UVRAG: variants seen among roughly 807,000 people sequenced by gnomAD.
The protein encoded by UVRAG is UV radiation resistance associated.
In UVRAG, 19 loss-of-function variants were observed where a neutral mutation model predicts 78.0. The ratio of observed to expected loss-of-function variants is 0.24; its 90% CI spans 0.17 to 0.36. The LOEUF (loss-of-function observed/expected upper bound fraction) is 0.36, where lower values mean the gene tolerates loss of function less well. Ranked by LOEUF, UVRAG falls within the 10% of genes least tolerant of loss-of-function variation. The probability of loss-of-function intolerance (pLI) is 1.00; values close to 1 mark genes in which losing one functional copy is unlikely to be tolerated. For synonymous variants in UVRAG, 323 were observed against 324.6 expected (o/e 1.00, Z 0.05); for missense variants, 740 against 853.8 (o/e 0.87, Z 1.66).
intron 3 of UVRAG, among the ~76,000 whole-genome samples, chr11:75,879,155 G>T (rs1304438069): frequency 6.6e-6 from 1 of 152,142 alleles, no homozygotes; most frequent in Non-Finnish European, 1.5e-5. Flanking sequence ...TGGCCCCACT[G>T]TTGTACAGAG....
intron 6 of UVRAG, among the ~76,000 whole-genome samples, chr11:75,928,288 G>A (rs969345822): frequency 2.0e-5 from 3 of 152,196 alleles, no homozygotes; most frequent in Admixed American, 1.3e-4. Flanking sequence ...TGTCACTGCT[G>A]CAGGAAGAAT....
intron 14 of UVRAG, chr11:76,137,177 T>C: frequency 2.7e-6 from 1 of 364,754 alleles, no homozygotes. Context: ...TACTCATACT[T>C]TGCACACAAT....
chr11:75,974,388 C>T (rs1372272879), intron 7 of UVRAG, among the ~76,000 whole-genome samples: 8 of 111,238 alleles, frequency 7.2e-5, no homozygotes, highest in Admixed American at 1.3e-4. Flanking sequence ...GAGACGGAGT[C>T]TCGCTCTGTC....
chr11:75,978,774 A>C lies in UVRAG; in HGVS notation c.700-4613A>C, dbSNP rs78260945. Among the ~76,000 whole-genome samples the C allele has an allele frequency of 0.015, 2,324 of 152,172 alleles. 163 individuals carry two copies. The East Asian group carries it at 0.22, about 14-fold the overall frequency. ...TATTCTAGTTAGCCATTCATCCAAT[A>C]TTTTTCAAAGTTTTTAGCTTCTTTG... On this transcript the variant is annotated intron_variant, in intron 7 of 14. Transcript: ENST00000356136.
intron 13 of UVRAG, among the ~76,000 whole-genome samples, chr11:76,091,237 C>G (rs1467448434): frequency 6.6e-6 from 1 of 152,032 alleles, no homozygotes; most frequent in Non-Finnish European, 1.5e-5. Context: ...ATATTTGATT[C>G]CCCCTTTTTG....
chr11:75,842,130 A>AG (rs1262559540), intron 1 of UVRAG, among the ~76,000 whole-genome samples: 1 of 152,220 alleles, frequency 6.6e-6, no homozygotes, highest in African/African-American at 2.4e-5. Context: ...CAAAAGGACC[A>AG]GGTGGAAGCC....
At chr11:76,078,752 C>CAA (rs61700855) in intron 13 of UVRAG, among the ~76,000 whole-genome samples, 480 of 37,196 alleles carry the variant, frequency 0.013, 12 homozygotes, top group East Asian at 0.09. Flanking sequence ...ACTAAAAATA[C>CAA]AAAAAAAAAA....
In UVRAG at chr11:76,008,530, A is replaced by T. The variant is rs375854244; in HGVS notation, c.1000-277A>T. Among the ~76,000 whole-genome samples, 5 of 152,306 alleles carry T rather than the reference A, an allele frequency of 3.3e-5. No individual in the cohort carries two copies. The East Asian group carries it at 5.8e-4, about 18-fold the overall frequency. ...TAGAATCTTATTAAACCATTTATAT[A>T]TGTGAATGAAATAAGGATATTTTTA... is the stretch of plus-strand genomic sequence containing the variant. On this transcript the variant is annotated intron_variant, in intron 10 of 14. Coordinates refer to ENST00000356136, the MANE Select transcript of UVRAG (RefSeq NM_003369.4).
intron 8 of UVRAG, among the ~76,000 whole-genome samples, chr11:75,987,305 G>A (rs1949518476): frequency 6.6e-6 from 1 of 152,108 alleles, no homozygotes; most frequent in South Asian, 2.1e-4. Flanking sequence ...ACTGAATATA[G>A]CATTGTTTCT....
At chr11:75,937,294 C>T (rs1156696146) in intron 6 of UVRAG, among the ~76,000 whole-genome samples, 6 of 152,126 alleles carry the variant, frequency 3.9e-5, no homozygotes, top group East Asian at 1.9e-4. Context: ...GCCAAGATCA[C>T]GCCACTGCAC....
intron 3 of UVRAG, among the ~76,000 whole-genome samples, chr11:75,877,424 G>GGCT (rs992119574): frequency 2.6e-5 from 4 of 151,722 alleles, no homozygotes; most frequent in African/African-American, 7.3e-5. Flanking sequence ...CAGTAGGGGC[G>GGCT]GCCGGGCAGA....
intron 1 of UVRAG, among the ~76,000 whole-genome samples, chr11:75,829,160 G>C (rs567653092): frequency 6.6e-6 from 1 of 152,044 alleles, no homozygotes; most frequent in Non-Finnish European, 1.5e-5. Context: ...CTACAACCTC[G>C]AACTCCTGGG....
At chr11:75,829,163 C>T (rs548180117) in intron 1 of UVRAG, among the ~76,000 whole-genome samples, 1 of 152,280 alleles carries the variant, frequency 6.6e-6, no homozygotes, top group Admixed American at 6.5e-5. Context: ...CAACCTCGAA[C>T]TCCTGGGTTC....
At chr11:75,819,841 T>C (rs542963250) in intron 1 of UVRAG, among the ~76,000 whole-genome samples, 2 of 151,972 alleles carry the variant, frequency 1.3e-5, no homozygotes, top group East Asian at 3.9e-4. Flanking sequence ...TGGTGGCAGG[T>C]GCCTGTAATC....
intron 12 of UVRAG, among the ~76,000 whole-genome samples, chr11:76,019,863 G>T (rs888864237): frequency 2.6e-5 from 4 of 152,152 alleles, no homozygotes; most frequent in African/African-American, 9.7e-5. Flanking sequence ...AGACCCTGTG[G>T]CTCTACAATT....
chr11:75,987,953 G>T (rs1460291441), intron 8 of UVRAG, among the ~76,000 whole-genome samples: 1 of 152,046 alleles, frequency 6.6e-6, no homozygotes, highest in Non-Finnish European at 1.5e-5. Context: ...GGCCAGGCTG[G>T]TCTCAAACTC....
intron 6 of UVRAG, among the ~76,000 whole-genome samples, 194 bp from the exon 7 acceptor site, chr11:75,961,250 G>T (rs1948904321): frequency 6.6e-6 from 1 of 151,920 alleles, no homozygotes; most frequent in South Asian, 2.1e-4. Context: ...AGTACAAAAA[G>T]GGTGTTTTAG....
chr11:76,094,270 T>C (rs2134433074), intron 13 of UVRAG, among the ~76,000 whole-genome samples: 1 of 152,354 alleles, frequency 6.6e-6, no homozygotes, highest in South Asian at 2.1e-4. Context: ...CAGTATTTTA[T>C]AGAGGATTTT....
chr11:75,968,810 C>T (rs894643330), intron 7 of UVRAG, among the ~76,000 whole-genome samples: 1 of 152,156 alleles, frequency 6.6e-6, no homozygotes, highest in Non-Finnish European at 1.5e-5. Flanking sequence ...ACACCTCACT[C>T]TTTGTGGGAA....
Sources: gnomAD v4.1 joint callset for allele counts (sites outside exome capture counted in the v4.1 genomes callset) on GRCh38, gnomAD v4.1.1 for gene constraint, MANE v1.5 for transcripts, NCBI Gene and HGNC (gene_info 2026-07-23, HGNC 2026-07-21) for gene names.